GLS: variants seen among roughly 807,000 people sequenced by gnomAD.
GLS encodes glutaminase kidney isoform, mitochondrial.
In GLS, 36 loss-of-function variants were observed where a neutral mutation model predicts 86.7. The observed-to-expected ratio is 0.42, with a 90% CI of 0.32 to 0.55. GLS has a LOEUF of 0.55. Ranked by LOEUF, GLS falls within the 20% of genes least tolerant of loss-of-function variation. The pLI is 0.17. For synonymous variants in GLS, 317 were observed against 305.9 expected (o/e 1.04, Z -0.38); for missense variants, 528 against 833.4 (o/e 0.63, Z 4.51).
Position 190,924,645 on chromosome 2 carries a change from G to A in GLS, c.1248+52G>A, listed in dbSNP as rs767741024. On this transcript the variant is annotated intron_variant, in intron 11 of 17. Transcript: ENST00000320717. This position sits in a 1 kb window ranked among gnomAD's most constrained non-coding sequence, Gnocchi z 5.2. The stretch of plus-strand genomic sequence containing the variant: ...ATAAATGGATGTGTCGGCTGGGCAC[G>A]GTGGCTCACGCCTGTAATCCCAGCA... 28 of 981,208 alleles carry A rather than the reference G, an allele frequency of 2.9e-5. No homozygotes were observed. The highest frequency in any genetic ancestry group is 4.6e-5 in the Non-Finnish European group (28 of 608,242). 60.8% of individuals were successfully genotyped at this position (981,208 alleles called of 1,614,324 possible).
intron 14 of GLS, chr2:190,932,661 G>A (rs1225704961): frequency 7.4e-7 from 1 of 1,359,692 alleles, no homozygotes; most frequent in African/African-American, 1.5e-5. Context: ...TTATAGCTTG[G>A]ACCTTTCTTC....
intron 7 of GLS, chr2:190,919,656 C>A: frequency 1.2e-6 from 1 of 867,538 alleles, no homozygotes; most frequent in Non-Finnish European, 1.4e-6. Flanking sequence ...ATTTTGACAA[C>A]TGCAACAGTT....
At chr2:190,901,789 T>C (rs1032279996) in intron 4 of GLS, among the ~76,000 whole-genome samples, 158 bp from the exon 5 acceptor site, 1 of 152,184 alleles carries the variant, frequency 6.6e-6, no homozygotes, top group African/African-American at 2.4e-5. Context: ...TTAGTTTTCA[T>C]GAGCATTGTT....
Position 190,881,215 on chromosome 2 carries a change from C to G in GLS, c.131C>G (p.Pro44Arg), listed in dbSNP as rs757127595. The part of the protein sequence containing the change: ...LCRRPRGGGR[P>R]AAGPAAAARL... ...CGGCGTCCCCGAGGCGGGGGACGGC[C>G]GGCCGCGGGCCCGGCTGCCGCCGCG... Residue 44 changes from proline to arginine, a missense_variant, in exon 1 of 18, where the codon CCG becomes CGG. This residue lies in a region of GLS where 224 missense variants were observed against 187.9 expected (regional missense o/e 1.19). Coordinates refer to ENST00000320717, the MANE Select transcript of GLS (RefSeq NM_014905.5). 1 of 1,247,172 alleles carries G rather than the reference C, an allele frequency of 8.0e-7. No individual in the cohort carries two copies. Among genetic ancestry groups the G allele is most frequent in the Non-Finnish European group, 1.0e-6 (1 of 998,822 alleles). 77.3% of individuals were successfully genotyped at this position (1,247,172 alleles called of 1,614,324 possible).
At chr2:190,928,555 G>A (rs1172295989) in intron 12 of GLS, among the ~76,000 whole-genome samples, 2 of 151,474 alleles carry the variant, frequency 1.3e-5, no homozygotes, top group African/African-American at 2.4e-5. Context: ...GGCTGTTCTC[G>A]AACTCCTGAC....
chr2:190,930,012 C>T lies in GLS; in HGVS notation c.1426-425C>T, dbSNP rs984991784. On this transcript the variant is annotated intron_variant, in intron 12 of 17. Transcript: ENST00000320717. The surrounding 1 kb of genome is among the most constrained non-coding windows in gnomAD (Gnocchi z 5.0). The stretch of plus-strand genomic sequence containing the variant: ...AGGCGTGCACTTTGGGAGGCTGAGG[C>T]GGGCGGATCACAAGGTCAGGAGATA... Among the ~76,000 whole-genome samples, 19 of 151,386 alleles carry T rather than the reference C, an allele frequency of 1.3e-4. No homozygotes were observed. Among genetic ancestry groups the T allele is most frequent in the African/African-American group, 4.1e-4 (17 of 41,188 alleles).
Position 190,935,297 on chromosome 2 carries a change from G to GTT in GLS, c.1650+3667_1650+3668dup. The GTT allele has an allele frequency of 2.1e-6, 1 of 475,214 alleles. No individual in the cohort carries two copies. The highest frequency in any genetic ancestry group is 2.7e-6 in the Non-Finnish European group (1 of 364,826). 29.4% of individuals were successfully genotyped at this position (475,214 alleles called of 1,614,324 possible). On this transcript the variant is annotated intron_variant, in intron 14 of 17. Coordinates refer to ENST00000320717, the MANE Select transcript of GLS (RefSeq NM_014905.5). The surrounding 1 kb of genome is among the most constrained non-coding windows in gnomAD (Gnocchi z 4.2). ...AAATTTATTTTAAGCTGATTTTATTGTTTTTTTTGTTTTGTTTTGTTTTGT... is the reference window on the plus strand; with the variant it reads ...AAATTTATTTTAAGCTGATTTTATTGTTTTTTTTTTGTTTTGTTTTGTTTTGT...
rs1326649702 is a variant in GLS, at chr2:190,904,900, A to G, written c.816-104A>G. On this transcript the variant is annotated intron_variant, in intron 5 of 17. Coordinates refer to ENST00000320717, the MANE Select transcript of GLS (RefSeq NM_014905.5). ...ATAAACTTGTGGTTGAATTATGGGAAAATTTTTGTTGGAATTGTTAACATG... is the reference window on the plus strand; with the variant it reads ...ATAAACTTGTGGTTGAATTATGGGAGAATTTTTGTTGGAATTGTTAACATG... The G allele has an allele frequency of 6.9e-6, 5 of 720,718 alleles. No individual in the cohort carries two copies. In the East Asian group the frequency reaches 1.3e-4, roughly 18 times the overall value. 44.6% of individuals were successfully genotyped at this position (720,718 alleles called of 1,614,324 possible).
chr2:190,900,186 A>G lies in GLS; in HGVS notation c.606-378A>G, dbSNP rs985939372. Among the ~76,000 whole-genome samples, 3 of 152,208 alleles carry G rather than the reference A, an allele frequency of 2.0e-5. 1 individual carries two copies. The East Asian group carries it at 5.8e-4, about 29-fold the overall frequency. ...ATGTATTTCTGAGATTACTTGGTAA[A>G]TAAACAAGATCTCAACCTTGGCAGT... On this transcript the variant is annotated intron_variant, in intron 3 of 17. Coordinates refer to ENST00000320717, the MANE Select transcript of GLS (RefSeq NM_014905.5).
chr2:190,885,177 G>A (rs1490143743), intron 1 of GLS, among the ~76,000 whole-genome samples: 2 of 151,858 alleles, frequency 1.3e-5, no homozygotes, highest in African/African-American at 2.4e-5. Context: ...AATCATCGAG[G>A]TGTATACTCT....
intron 14 of GLS, among the ~76,000 whole-genome samples, chr2:190,942,971 C>T (rs1202757254): frequency 6.6e-6 from 1 of 151,954 alleles, no homozygotes; most frequent in Non-Finnish European, 1.5e-5. Flanking sequence ...ACCTGTATGG[C>T]CAAAGTGGGA....
intron 14 of GLS, among the ~76,000 whole-genome samples, chr2:190,936,188 TAAAG>T (rs1033925588): frequency 1.5e-4 from 23 of 151,096 alleles, no homozygotes; most frequent in African/African-American, 5.1e-4. Flanking sequence ...TTATTTGAAG[TAAAG>T]AGAGAGGAGA....
intron 4 of GLS, among the ~76,000 whole-genome samples, chr2:190,901,180 A>G (rs945234217): frequency 6.6e-6 from 1 of 152,084 alleles, no homozygotes; most frequent in East Asian, 1.9e-4. Context: ...CAAAAATCTG[A>G]GTATAACTTT....
rs1215070963 is a variant in GLS at position 190,935,047 on chromosome 2, AC to A, written c.1650+3411del. The A allele has an allele frequency of 8.2e-5, 76 of 932,368 alleles. No homozygotes were observed. Among genetic ancestry groups the A allele is most frequent in the Non-Finnish European group, 9.6e-5 (75 of 781,958 alleles). 57.8% of individuals were successfully genotyped at this position (932,368 alleles called of 1,614,324 possible). ...ATTGATTCTTGATATTCAAGCATTT[AC>A]AATGTAGCATATTTGATTTTCTTTT... On this transcript the variant is annotated intron_variant, in intron 14 of 17. Transcript: ENST00000320717. This position sits in a 1 kb window ranked among gnomAD's most constrained non-coding sequence, Gnocchi z 4.2.
chr2:190,895,839 G>A lies in GLS; in HGVS notation c.605+114G>A, dbSNP rs1434304041. 1.1e-5 allele frequency: 8 copies of A among 710,874 alleles called. No homozygotes were observed. Among genetic ancestry groups the A allele is most frequent in the Non-Finnish European group, 1.8e-5 (8 of 436,798 alleles). 44.0% of individuals were successfully genotyped at this position (710,874 alleles called of 1,614,324 possible). On this transcript the variant is annotated intron_variant, in intron 3 of 17. Coordinates refer to ENST00000320717, the MANE Select transcript of GLS (RefSeq NM_014905.5). The surrounding 1 kb of genome is among the most constrained non-coding windows in gnomAD (Gnocchi z 4.2). Reference sequence around the variant, plus strand: ...CTGCTTCCTGTGTAATGGAAAAAGGGGATTTATAAACATCATTTGTTTGAA... The same window carrying A: ...CTGCTTCCTGTGTAATGGAAAAAGGAGATTTATAAACATCATTTGTTTGAA...
chr2:190,905,965 A>G lies in GLS; in HGVS notation c.979+798A>G, dbSNP rs150275872. On this transcript the variant is annotated intron_variant, in intron 6 of 17. Transcript: ENST00000320717. The surrounding 1 kb of genome is among the most constrained non-coding windows in gnomAD (Gnocchi z 4.6). ...GTACTTTTTTTTTCTGCTGTATAAA[A>G]AATGAAATGTGCCTTATACTCATTA... 2.1e-4 allele frequency among the ~76,000 whole-genome samples: 32 copies of G among 152,238 alleles called. No individual in the cohort carries two copies. The highest frequency in any genetic ancestry group is 7.5e-4 in the African/African-American group (31 of 41,562).
intron 6 of GLS, among the ~76,000 whole-genome samples, chr2:190,907,051 A>T (rs1178526879): frequency 6.7e-6 from 1 of 149,872 alleles, no homozygotes; most frequent in Non-Finnish European, 1.5e-5. Context: ...TGCCTCAGCG[A>T]GTAGCTGGGA....
Position 190,881,183 on chromosome 2 carries a change from C to A in GLS, c.99C>A (p.Thr33=), listed in dbSNP as rs1688148443. 1 of 1,400,138 alleles carries A rather than the reference C, an allele frequency of 7.1e-7. No individual in the cohort carries two copies. The allele number at this position is 1,400,138 out of a possible 1,614,324, so 86.7% of individuals were successfully genotyped here. Residue 33 remains threonine, a synonymous_variant, in exon 1 of 18, where the codon ACC becomes ACA. Coordinates refer to ENST00000320717, the MANE Select transcript of GLS (RefSeq NM_014905.5). ...ATLRRAQPLV[T]LCRRPRGGGR... ...TGCGGCGGGCACAGCCCTTGGTCAC[C>A]CTGTGCCGGCGTCCCCGAGGCGGGG... is the stretch of plus-strand genomic sequence containing the variant.
At position 190,905,848 on chromosome 2, in the gene GLS, C is replaced by T. The variant is rs1689114859; in HGVS notation, c.979+681C>T. 6.6e-6 allele frequency among the ~76,000 whole-genome samples: 1 copy of T among 152,028 alleles called. No homozygotes were observed. The highest frequency in any genetic ancestry group is 1.5e-5 in the Non-Finnish European group (1 of 67,952). ...GGTTTCTGTTTTTTAATCTTCTAAG[C>T]ATATGCTGTGTTTCTGATTGATGAG... is the stretch of plus-strand genomic sequence containing the variant. On this transcript the variant is annotated intron_variant, in intron 6 of 17. Coordinates refer to ENST00000320717, the MANE Select transcript of GLS (RefSeq NM_014905.5). This position sits in a 1 kb window ranked among gnomAD's most constrained non-coding sequence, Gnocchi z 4.6.
Sources: gnomAD v4.1 joint callset for allele counts (sites outside exome capture counted in the v4.1 genomes callset) on GRCh38, gnomAD v4.1.1 for gene constraint, gnomAD v4.1.1 regional missense constraint, Gnocchi (gnomAD v3.1) non-coding constraint, MANE v1.5 for transcripts, NCBI Gene and HGNC (gene_info 2026-07-23, HGNC 2026-07-21) for gene names.